TBC1D1: variants seen among roughly 807,000 people sequenced by gnomAD.
TBC1D1 encodes the protein TBC1 (tre-2/USP6, BUB2, cdc16) domain family, member 1.
TBC1D1 carries 89 observed loss-of-function variants against 125.6 expected under a neutral mutation model. That is an observed-to-expected ratio of 0.71 (90% CI 0.60 to 0.85). TBC1D1 has a LOEUF of 0.85. Ranked by LOEUF, TBC1D1 falls within the 40% of genes least tolerant of loss-of-function variation. The probability of loss-of-function intolerance (pLI) is 0.00; values close to 1 mark genes in which losing one functional copy is unlikely to be tolerated. For missense variants in TBC1D1, 1,377 were observed against 1,469.2 expected (o/e 0.94, Z 1.03); for synonymous variants, 565 against 564.1 (o/e 1.00, Z -0.02).
intron 2 of TBC1D1, among the ~76,000 whole-genome samples, chr4:37,975,777 AT>A (rs1732951532): frequency 6.6e-6 from 1 of 152,188 alleles, no homozygotes; most frequent in African/African-American, 2.4e-5. Context: ...GAGGATTATT[AT>A]AATATTGGAA....
At chr4:38,037,868 TA>T (rs1196282290) in intron 8 of TBC1D1, among the ~76,000 whole-genome samples, 1 of 152,244 alleles carries the variant, frequency 6.6e-6, no homozygotes. Context: ...TTTGATCTTA[TA>T]GAACAGGGTT....
chr4:37,911,395 G>C (rs1718606051), intron 2 of TBC1D1, among the ~76,000 whole-genome samples: 1 of 152,134 alleles, frequency 6.6e-6, no homozygotes, highest in Admixed American at 6.5e-5. Flanking sequence ...AACCACAGAA[G>C]GTGCCGTGCC....
At chr4:38,011,031 G>A (rs1741370343) in intron 2 of TBC1D1, among the ~76,000 whole-genome samples, 1 of 152,178 alleles carries the variant, frequency 6.6e-6, no homozygotes, top group African/African-American at 2.4e-5. Context: ...ATAACGAGTG[G>A]ACATTATGCC....
intron 12 of TBC1D1, among the ~76,000 whole-genome samples, chr4:38,057,217 C>A (rs1177999341): frequency 6.6e-6 from 1 of 152,202 alleles, no homozygotes; most frequent in Non-Finnish European, 1.5e-5. Context: ...CCCACTAGCC[C>A]CTCTGGCTTG....
At chr4:38,070,334 C>T (rs892748928) in intron 12 of TBC1D1, among the ~76,000 whole-genome samples, 2 of 152,204 alleles carry the variant, frequency 1.3e-5, no homozygotes, top group African/African-American at 4.8e-5. Context: ...AAATAGTTGT[C>T]ATGTGGCTGA....
Position 37,960,590 on chromosome 4 carries a change from TC to T in TBC1D1, c.418-53917del, listed in dbSNP as rs1287253168. On this transcript the variant is annotated intron_variant, in intron 2 of 19. Coordinates refer to ENST00000261439, the MANE Select transcript of TBC1D1 (RefSeq NM_015173.4). ...GACGTTTTGGCAAAACATACGATGC[TC>T]CATCAGCCTTACCTAAAGCTACCAG... is the stretch of plus-strand genomic sequence containing the variant. 5 of 1,614,116 alleles carry T rather than the reference TC, an allele frequency of 3.1e-6. No homozygotes were observed. In the South Asian group the frequency reaches 3.3e-5, roughly 11 times the overall value.
chr4:38,102,438 G>C (rs572084825), intron 14 of TBC1D1, among the ~76,000 whole-genome samples: 1 of 152,160 alleles, frequency 6.6e-6, no homozygotes, highest in South Asian at 2.1e-4. Context: ...GTCTGACAGG[G>C]TCAGAACATG....
chr4:37,972,996 C>G (rs945454373), intron 2 of TBC1D1, among the ~76,000 whole-genome samples: 3 of 151,338 alleles, frequency 2.0e-5, no homozygotes, highest in African/African-American at 7.3e-5. Context: ...CAGATTATAA[C>G]AGAAAATGTC....
intron 17 of TBC1D1, 35 bp downstream of exon 19, chr4:38,118,227 C>T: frequency 1.2e-6 from 2 of 1,610,434 alleles, no homozygotes; most frequent in Non-Finnish European, 1.7e-6. Flanking sequence ...CAGAACCAGC[C>T]TTCTCTTATT....
At chr4:38,104,599 G>C (rs1374000751) in intron 15 of TBC1D1, among the ~76,000 whole-genome samples, 2 of 152,184 alleles carry the variant, frequency 1.3e-5, no homozygotes, top group Non-Finnish European at 2.9e-5. Flanking sequence ...AGAACACACA[G>C]TGCTTTGGGG....
At chr4:37,917,001 C>T (rs1246213291) in intron 2 of TBC1D1, among the ~76,000 whole-genome samples, 1 of 150,650 alleles carries the variant, frequency 6.6e-6, no homozygotes, top group Non-Finnish European at 1.5e-5. Context: ...GAACTTCTGA[C>T]CTCAAGTGAT....
At chr4:37,990,779 T>C (rs1736383915) in intron 2 of TBC1D1, among the ~76,000 whole-genome samples, 1 of 152,198 alleles carries the variant, frequency 6.6e-6, no homozygotes, top group Non-Finnish European at 1.5e-5. Flanking sequence ...TTTTGTCAAT[T>C]CTCTAGTGTG....
At chr4:38,017,978 ATAATT>A (rs1011846567) in intron 3 of TBC1D1, among the ~76,000 whole-genome samples, 5 of 152,244 alleles carry the variant, frequency 3.3e-5, no homozygotes, top group Admixed American at 3.3e-4. Flanking sequence ...TCTTTTAACA[ATAATT>A]TAAAAAGACT....
At chr4:38,108,069 T>C (rs1761629969) in intron 15 of TBC1D1, among the ~76,000 whole-genome samples, 1 of 152,164 alleles carries the variant, frequency 6.6e-6, no homozygotes, top group South Asian at 2.1e-4. Context: ...TGCATCCATT[T>C]GTCCAGCCCT....
chr4:38,078,781 T>A (rs1323715226), intron 12 of TBC1D1, among the ~76,000 whole-genome samples: 2 of 152,212 alleles, frequency 1.3e-5, no homozygotes, highest in Non-Finnish European at 2.9e-5. Context: ...GTCCCTATGA[T>A]TTTATTAGAG....
At chr4:37,906,191 A>G (rs563636176) in intron 2 of TBC1D1, among the ~76,000 whole-genome samples, 1 of 151,814 alleles carries the variant, frequency 6.6e-6, no homozygotes, top group East Asian at 1.9e-4. Context: ...TCTGTTGCCC[A>G]GGTTGGAGTG....
At chr4:38,136,779 G>A (rs545697474) in intron 19 of TBC1D1, among the ~76,000 whole-genome samples, 3 of 152,168 alleles carry the variant, frequency 2.0e-5, no homozygotes, top group Admixed American at 1.3e-4. Context: ...GCCCACTTCA[G>A]CTTTGTGTTG....
intron 15 of TBC1D1, among the ~76,000 whole-genome samples, chr4:38,106,712 G>A (rs1235821343): frequency 2.0e-5 from 3 of 152,014 alleles, no homozygotes; most frequent in South Asian, 4.2e-4. Flanking sequence ...ATTCTTCCAC[G>A]GACACGATCA....
intron 8 of TBC1D1, among the ~76,000 whole-genome samples, chr4:38,042,082 A>G (rs1247701959): frequency 6.6e-6 from 1 of 151,614 alleles, no homozygotes; most frequent in Admixed American, 6.6e-5. Context: ...AGGCTGAGGC[A>G]TGAGAATCAC....
Sources: allele counts gnomAD v4.1 joint callset (sites outside exome capture counted in the v4.1 genomes callset), GRCh38; gene constraint gnomAD v4.1.1; transcripts MANE v1.5; gene names NCBI Gene and HGNC (gene_info 2026-07-23, HGNC 2026-07-21).